Variants in MTHFD2L observed in about 807,000 individuals in gnomAD.
The protein encoded by MTHFD2L is bifunctional methylenetetrahydrofolate dehydrogenase/cyclohydrolase 2, mitochondrial.
Under a neutral mutation model 34.9 loss-of-function variants are expected in MTHFD2L, and 29 were observed. That is an observed-to-expected ratio of 0.83 (90% confidence interval 0.62 to 1.13). The LOEUF is 1.13. Among genes scored for constraint, MTHFD2L ranks in the 50% most tolerant of loss-of-function variants. MTHFD2L has a pLI of 0.00. For synonymous variants in MTHFD2L, 167 were observed against 155.7 expected, an observed-to-expected ratio of 1.07 and a Z score of -0.54; for missense variants, 481 against 446.5, an observed-to-expected ratio of 1.08 and a Z score of -0.70.
intron 6 of MTHFD2L, among the ~76,000 whole-genome samples, chr4:74,272,126 A>G (rs1746075789): frequency 6.6e-6 from 1 of 152,186 alleles, no homozygotes; most frequent in African/African-American, 2.4e-5. Flanking sequence ...TATCGAAACT[A>G]GCTATGAATA....
chr4:74,252,861 T>C (rs1385638307), intron 6 of MTHFD2L, among the ~76,000 whole-genome samples: 4 of 152,074 alleles, frequency 2.6e-5, no homozygotes, highest in African/African-American at 4.8e-5. Context: ...CTAAAAGATG[T>C]GAGTCCTGAG....
chr4:74,204,003 A>G (rs1243795007), intron 5 of MTHFD2L, among the ~76,000 whole-genome samples: 3 of 152,040 alleles, frequency 2.0e-5, no homozygotes, highest in African/African-American at 7.2e-5. Context: ...ATCCTCATTA[A>G]TTCTCAGTAA....
intron 6 of MTHFD2L, among the ~76,000 whole-genome samples, chr4:74,254,165 G>A (rs972639995): frequency 2.0e-5 from 3 of 151,214 alleles, no homozygotes; most frequent in Non-Finnish European, 4.4e-5. Context: ...AAAATCTGCA[G>A]AGGGAAATGA....
chr4:74,273,889 T>C (rs1746299110), intron 6 of MTHFD2L, among the ~76,000 whole-genome samples: 1 of 152,276 alleles, frequency 6.6e-6, no homozygotes, highest in Non-Finnish European at 1.5e-5. Context: ...TGGAGAGATT[T>C]CACGAGACAG....
At chr4:74,188,104 T>C (rs190575559) in intron 3 of MTHFD2L, among the ~76,000 whole-genome samples, 11 of 71,732 alleles carry the variant, frequency 1.5e-4, no homozygotes. Context: ...TGAAAGTATC[T>C]AGACAAGAGT....
At chr4:74,118,590 G>T (rs1420867403), upstream of MTHFD2L, among the ~76,000 whole-genome samples, 2 of 152,174 alleles carry the variant, frequency 1.3e-5, no homozygotes, top group Non-Finnish European at 2.9e-5. Flanking sequence ...AGATCATGTG[G>T]ATTGGTCTTA....
At chr4:74,268,021 G>T in intron 6 of MTHFD2L, 1 of 985,084 alleles carries the variant, frequency 1.0e-6, no homozygotes, top group South Asian at 4.7e-5. Context: ...CTCATGACAG[G>T]CATGATAGGC....
chr4:74,261,754 G>T (rs1744705267), intron 6 of MTHFD2L, among the ~76,000 whole-genome samples: 2 of 152,038 alleles, frequency 1.3e-5, no homozygotes, highest in South Asian at 2.1e-4. Flanking sequence ...AAAAGCGTAA[G>T]AAGACTTTTT....
At chr4:74,188,099 G>A (rs1731675383) in intron 3 of MTHFD2L, among the ~76,000 whole-genome samples, 2 of 117,864 alleles carry the variant, frequency 1.7e-5, no homozygotes, top group East Asian at 5.1e-4. Context: ...CTGAGTGAAA[G>A]TATCTAGACA....
intron 1 of MTHFD2L, chr4:74,125,544 A>T (rs1722006740): frequency 6.6e-6 from 1 of 152,116 alleles, no homozygotes; most frequent in South Asian, 2.1e-4. Context: ...CACTTTCTCA[A>T]ATTTCTCAAA....
At chr4:74,134,567 T>C (rs1722774013) in intron 1 of MTHFD2L, among the ~76,000 whole-genome samples, 1 of 152,090 alleles carries the variant, frequency 6.6e-6, no homozygotes, top group South Asian at 2.1e-4. Context: ...AATACATAGA[T>C]GTATACCCAC....
At chr4:74,151,786 T>C (rs1316737035) in intron 1 of MTHFD2L, among the ~76,000 whole-genome samples, 1 of 152,208 alleles carries the variant, frequency 6.6e-6, no homozygotes, top group East Asian at 1.9e-4. Context: ...ATCTTGGTCT[T>C]TCTATTAATT....
intron 3 of MTHFD2L, among the ~76,000 whole-genome samples, chr4:74,176,874 A>G (rs545958449): frequency 1.6e-4 from 25 of 152,080 alleles, no homozygotes; most frequent in African/African-American, 5.3e-4. Flanking sequence ...AAAGCTATAT[A>G]ATGCTATTAT....
At chr4:74,159,162 A>T (rs1330402330) in intron 1 of MTHFD2L, among the ~76,000 whole-genome samples, 4 of 152,206 alleles carry the variant, frequency 2.6e-5, no homozygotes, top group Non-Finnish European at 4.4e-5. Context: ...AAATCAGTTA[A>T]CTCCCTATTG....
upstream of MTHFD2L, among the ~76,000 whole-genome samples, chr4:74,154,304 T>C (rs924744519): frequency 2.6e-5 from 4 of 152,106 alleles, no homozygotes; most frequent in African/African-American, 9.7e-5. Context: ...CATAGGTAAG[T>C]TACTCTCTTT....
chr4:74,281,595 TC>T, intron 7 of MTHFD2L, 45 bp downstream of exon 7: 3 of 1,557,886 alleles, frequency 1.9e-6, no homozygotes, highest in Non-Finnish European at 2.6e-6. Flanking sequence ...ATAAAAAAAT[TC>T]CACCTTACGT....
Position 74,199,848 on chromosome 4 carries a change from A to C in MTHFD2L, c.506A>C (p.Asp169Ala). The change falls in exon 4 of 8, where the codon GAT becomes GCT. Residue 169 changes from aspartate (D) to alanine (A), a missense_variant. Coordinates refer to ENST00000325278, the MANE Select transcript of MTHFD2L (RefSeq NM_001144978.3). The part of the protein sequence containing the change: ...CNGIAPEKDV[D>A]GFHIINIGRL... ...GGAATTGCCCCAGAAAAAGATGTAGATGGATTTCATATTATCAATATTGGA... is the reference window on the plus strand; with the variant it reads ...GGAATTGCCCCAGAAAAAGATGTAGCTGGATTTCATATTATCAATATTGGA... 2 of 1,613,904 alleles carry C rather than the reference A, an allele frequency of 1.2e-6. No homozygotes were observed. The highest frequency in any genetic ancestry group is 1.7e-6 in the Non-Finnish European group (2 of 1,179,856).
intron 5 of MTHFD2L, among the ~76,000 whole-genome samples, chr4:74,221,709 TTAAA>T (rs1166474033): frequency 6.6e-6 from 1 of 151,946 alleles, no homozygotes; most frequent in Admixed American, 6.6e-5. Context: ...TATTGTTCAT[TTAAA>T]TAAATGACAA....
chr4:74,166,386 C>G (rs931904867), intron 1 of MTHFD2L, among the ~76,000 whole-genome samples: 1 of 152,188 alleles, frequency 6.6e-6, no homozygotes, highest in Non-Finnish European at 1.5e-5. Flanking sequence ...TTTTATGTGT[C>G]TCTGTGTCTT....
Sources: gnomAD v4.1 joint callset for allele counts (sites outside exome capture counted in the v4.1 genomes callset) on GRCh38, gnomAD v4.1.1 for gene constraint, MANE v1.5 for transcripts, NCBI Gene and HGNC (gene_info 2026-07-23, HGNC 2026-07-21) for gene names.